ORC4: variants seen among roughly 807,000 people sequenced by gnomAD.
ORC4 encodes origin recognition complex, subunit 4 homolog.
ORC4 carries 55 observed loss-of-function variants against 63.9 expected under a neutral mutation model. That is an observed-to-expected ratio of 0.86 (90% CI 0.69 to 1.08). The LOEUF is 1.08. Among genes scored for constraint, ORC4 ranks in the 50% least tolerant of loss-of-function variants. ORC4 has a pLI of 0.00. For synonymous variants in ORC4, 150 were observed against 168.5 expected (o/e 0.89, Z 0.85); for missense variants, 511 against 504.4 (o/e 1.01, Z -0.13).
At chr2:148,011,188 C>T (rs1055757596) in intron 1 of ORC4, among the ~76,000 whole-genome samples, 1 of 152,106 alleles carries the variant, frequency 6.6e-6, no homozygotes. Flanking sequence ...AAAGAAACTA[C>T]AGGCCAGTAT....
chr2:147,972,647 CATAAA>C (rs1255312581), intron 4 of ORC4, 87 bp downstream of exon 4: 16 of 644,544 alleles, frequency 2.5e-5, no homozygotes, highest in South Asian at 2.7e-5. Context: ...TTCAGTATTA[CATAAA>C]ATAAGATTTA....
At chr2:147,974,305 G>C (rs1690396181) in intron 2 of ORC4, among the ~76,000 whole-genome samples, 1 of 151,980 alleles carries the variant, frequency 6.6e-6, no homozygotes, top group South Asian at 2.1e-4. Context: ...TATAAAATAG[G>C]GACAATAACA....
At chr2:148,005,201 A>C (rs143630850) in intron 1 of ORC4, among the ~76,000 whole-genome samples, 1,574 of 152,358 alleles carry the variant, frequency 0.01, 12 homozygotes, top group Non-Finnish European at 0.018. Flanking sequence ...TGTGGCACAT[A>C]TACGCCATGG....
chr2:147,975,344 G>A (rs1321312973), intron 2 of ORC4, among the ~76,000 whole-genome samples: 1 of 151,530 alleles, frequency 6.6e-6, no homozygotes, highest in East Asian at 1.9e-4. Flanking sequence ...CTTAATAAAG[G>A]GCATCTACAA....
chr2:148,011,074 C>T (rs1692939180), intron 1 of ORC4, among the ~76,000 whole-genome samples: 1 of 152,092 alleles, frequency 6.6e-6, no homozygotes, highest in Non-Finnish European at 1.5e-5. Flanking sequence ...AGAGATCTGC[C>T]TGCCTCAGCC....
chr2:147,999,920 T>A (rs1053803029), intron 1 of ORC4, among the ~76,000 whole-genome samples: 2 of 151,864 alleles, frequency 1.3e-5, no homozygotes, highest in African/African-American at 4.8e-5. Flanking sequence ...ACAATAATTT[T>A]AATTCATAAA....
intron 1 of ORC4, among the ~76,000 whole-genome samples, chr2:148,011,100 A>G (rs950029210): frequency 2.0e-5 from 3 of 152,184 alleles, no homozygotes; most frequent in Non-Finnish European, 4.4e-5. Flanking sequence ...AAGTTCTGGG[A>G]TTACTGGCGT....
chr2:147,993,827 G>A (rs1474020593), intron 1 of ORC4, among the ~76,000 whole-genome samples: 1 of 152,092 alleles, frequency 6.6e-6, no homozygotes, highest in African/African-American at 2.4e-5. Flanking sequence ...CTATCAATGG[G>A]ACAATAATTG....
chr2:147,973,420 T>A, intron 3 of ORC4, 28 bp downstream of exon 3: 1 of 1,380,844 alleles, frequency 7.2e-7, no homozygotes, highest in Non-Finnish European at 1.0e-6. Flanking sequence ...AGTAGGTCCA[T>A]AACAGTCAAG....
chr2:147,978,897 C>A (rs1018758569), intron 1 of ORC4, among the ~76,000 whole-genome samples: 1 of 152,096 alleles, frequency 6.6e-6, no homozygotes, highest in Non-Finnish European at 1.5e-5. Context: ...AAGCTTCTAA[C>A]AGAATTCAAT....
In ORC4 at chr2:147,972,845, T is replaced by C. The variant is rs1229981902; in HGVS notation, c.135-16A>G. ...ACTTAAGTGTCTAAAATGATATAAA[T>C]AGGACAAAATTTTAAAAATGAAGCT... is the stretch of plus-strand genomic sequence containing the variant. On this transcript the variant is annotated splice_polypyrimidine_tract_variant and intron_variant, in intron 3 of 13. Coordinates refer to ENST00000392857, the MANE Select transcript of ORC4 (RefSeq NM_181741.4). 4 of 1,527,514 alleles carry C rather than the reference T, an allele frequency of 2.6e-6. No individual in the cohort carries two copies. In the African/African-American group the frequency reaches 5.5e-5, roughly 21 times the overall value. The allele number at this position is 1,527,514 out of a possible 1,614,324, so 94.6% of individuals were successfully genotyped here. A position where few individuals can be genotyped will look rare whatever the true frequency, so the allele number is the denominator to read the frequency against.
intron 6 of ORC4, among the ~76,000 whole-genome samples, chr2:147,957,324 G>A (rs1236655990): frequency 1.3e-5 from 2 of 150,440 alleles, no homozygotes; most frequent in Non-Finnish European, 3.0e-5. Context: ...TAAATGCTAG[G>A]AGTCTTACAC....
intron 1 of ORC4, among the ~76,000 whole-genome samples, chr2:148,001,362 C>T (rs1344800341): frequency 6.6e-6 from 1 of 151,778 alleles, no homozygotes; most frequent in Non-Finnish European, 1.5e-5. Flanking sequence ...ACTGCAGAGC[C>T]GAATGTTATT....
At chr2:147,970,492 C>G (rs1401736235) in intron 4 of ORC4, among the ~76,000 whole-genome samples, 1 of 151,328 alleles carries the variant, frequency 6.6e-6, no homozygotes, top group Non-Finnish European at 1.5e-5. Flanking sequence ...ACAGACAAAG[C>G]AAGGGAATAG....
intron 10 of ORC4, 71 bp from the exon 11 acceptor site, chr2:147,939,319 C>A (rs756549159): frequency 1.1e-5 from 10 of 903,840 alleles, no homozygotes; most frequent in Non-Finnish European, 1.9e-5. Context: ...TGCAAAACTT[C>A]TGAATTTGTA....
intron 1 of ORC4, among the ~76,000 whole-genome samples, chr2:148,009,154 C>A (rs533739637): frequency 2.0e-5 from 3 of 150,960 alleles, no homozygotes; most frequent in South Asian, 2.1e-4. Context: ...AAAACAAAAA[C>A]CTCTAATAGG....
intron 1 of ORC4, among the ~76,000 whole-genome samples, chr2:148,008,833 GTAAGGGTGCACCCTTCTA>G (rs1438135825): frequency 6.6e-6 from 1 of 152,110 alleles, no homozygotes; most frequent in Non-Finnish European, 1.5e-5. Context: ...TGTTCCATCT[GTAAGGGTGCACCCTTCTA>G]TATAGAAGTA....
chr2:147,973,639 C>A (rs753007348), intron 2 of ORC4, 115 bp from the exon 3 acceptor site: 3 of 640,148 alleles, frequency 4.7e-6, no homozygotes, highest in Non-Finnish European at 8.2e-6. Flanking sequence ...CAATTCAACC[C>A]TCCCTAAATT....
intron 4 of ORC4, among the ~76,000 whole-genome samples, chr2:147,969,617 TGA>T (rs1165533637): frequency 2.0e-5 from 3 of 151,380 alleles, no homozygotes; most frequent in Admixed American, 6.6e-5. Context: ...GACAGAATGC[TGA>T]GAGAGGGGGA....
Sources: gnomAD v4.1 joint callset for allele counts (sites outside exome capture counted in the v4.1 genomes callset) on GRCh38, gnomAD v4.1.1 for gene constraint, MANE v1.5 for transcripts, NCBI Gene and HGNC (gene_info 2026-07-23, HGNC 2026-07-21) for gene names.